Variants in CDC20B observed in about 807,000 individuals in gnomAD.
The protein encoded by CDC20B is cell division cycle 20B.
Under a neutral mutation model 64.1 loss-of-function variants are expected in CDC20B, and 58 were observed. The ratio of observed to expected loss-of-function variants is 0.90; its 90% CI spans 0.73 to 1.13. The LOEUF (loss-of-function observed/expected upper bound fraction) is 1.13. Ranked by LOEUF, CDC20B falls within the 50% of genes most tolerant of loss-of-function variation. The probability of loss-of-function intolerance (pLI) is 0.00; values close to 1 mark genes in which losing one functional copy is unlikely to be tolerated. For synonymous variants in CDC20B, 243 were observed against 230.6 expected (o/e 1.05, Z -0.49); for missense variants, 597 against 633.0 (o/e 0.94, Z 0.61).
At chr5:55,166,039 G>A (rs1490821373) in intron 2 of CDC20B, 2 of 152,338 alleles carry the variant, frequency 1.3e-5, no homozygotes, top group Admixed American at 6.5e-5. Flanking sequence ...GAAAACTTAT[G>A]CTCAGGTGGC....
At chr5:55,148,980 A>G (rs1161661217) in intron 2 of CDC20B, among the ~76,000 whole-genome samples, 2 of 152,232 alleles carry the variant, frequency 1.3e-5, no homozygotes, top group African/African-American at 2.4e-5. Context: ...CAGGCTCTCA[A>G]CTGAGAACAT....
intron 11 of CDC20B, among the ~76,000 whole-genome samples, chr5:55,115,318 G>A (rs971005466): frequency 1.1e-4 from 17 of 152,190 alleles, no homozygotes; most frequent in Non-Finnish European, 1.5e-5. Context: ...TGGAAGCTTT[G>A]AGTTAAGAAA....
chr5:55,146,534 T>A (rs1481095589), intron 3 of CDC20B, 94 bp downstream of exon 3: 15 of 814,654 alleles, frequency 1.8e-5, no homozygotes, highest in Non-Finnish European at 2.4e-5. Context: ...TGACTCAAAG[T>A]GACACTCCTT....
chr5:55,128,661 T>C lies in CDC20B; in HGVS notation c.698-44A>G, dbSNP rs746658454. 5.8e-6 allele frequency: 8 copies of C among 1,380,320 alleles called. No individual in the cohort carries two copies. The South Asian group carries it at 9.9e-5, about 17-fold the overall frequency. 85.5% of individuals were successfully genotyped at this position (1,380,320 alleles called of 1,614,324 possible). ...AAATTAGTATAATTATACAGCCACA[T>C]GAAAACATGTTCAAATAAACAACTT... On this transcript the variant is annotated intron_variant, in intron 6 of 11. Transcript: ENST00000381375.
chr5:55,121,790 A>G (rs946754057), intron 9 of CDC20B, among the ~76,000 whole-genome samples: 1 of 152,172 alleles, frequency 6.6e-6, no homozygotes, highest in African/African-American at 2.4e-5. Flanking sequence ...TTATAAGGGT[A>G]ATTTATTTTC....
intron 4 of CDC20B, among the ~76,000 whole-genome samples, chr5:55,143,071 A>C (rs1337374184): frequency 6.6e-6 from 1 of 152,196 alleles, no homozygotes; most frequent in East Asian, 1.9e-4. Flanking sequence ...AACAACAAGA[A>C]AGGCTTAAGG....
In CDC20B at chr5:55,145,882, T is replaced by C. The variant is rs1561295778; in HGVS notation, c.355+746A>G. The stretch of plus-strand genomic sequence containing the variant: ...TCCTGCTTCTGTCTTTTTCTTCCAT[T>C]TCACATCTGATTATTCCATTACTAA... On this transcript the variant is annotated intron_variant, in intron 3 of 11. Coordinates refer to ENST00000381375, the MANE Select transcript of CDC20B (RefSeq NM_001170402.1). 4.6e-5 allele frequency among the ~76,000 whole-genome samples: 7 copies of C among 152,100 alleles called. No individual in the cohort carries two copies. In the South Asian group the frequency reaches 1.5e-3, roughly 32 times the overall value.
At chr5:55,117,152 C>T (rs1181986313) in intron 11 of CDC20B, among the ~76,000 whole-genome samples, 1 of 152,156 alleles carries the variant, frequency 6.6e-6, no homozygotes, top group Non-Finnish European at 1.5e-5. Flanking sequence ...GCTACCTACT[C>T]CTATTTTAAA....
At chr5:55,131,863 G>A (rs910892465) in intron 6 of CDC20B, among the ~76,000 whole-genome samples, 2 of 152,080 alleles carry the variant, frequency 1.3e-5, no homozygotes, top group African/African-American at 2.4e-5. Context: ...TCAGGAGTTC[G>A]AGACTAGCCT....
intron 2 of CDC20B, among the ~76,000 whole-genome samples, chr5:55,155,878 T>C (rs1049923683): frequency 2.0e-5 from 3 of 152,180 alleles, no homozygotes; most frequent in Non-Finnish European, 4.4e-5. Context: ...AAAAGCCTTT[T>C]GGTGGTGTTC....
chr5:55,151,081 T>C (rs2111901003), intron 2 of CDC20B, among the ~76,000 whole-genome samples: 1 of 152,172 alleles, frequency 6.6e-6, no homozygotes, highest in Admixed American at 6.5e-5. Context: ...TTTATTTCTC[T>C]CCGCTAAGAA....
At chr5:55,159,413 G>T (rs1175021829) in intron 2 of CDC20B, among the ~76,000 whole-genome samples, 1 of 152,164 alleles carries the variant, frequency 6.6e-6, no homozygotes, top group African/African-American at 2.4e-5. Flanking sequence ...ACAGGTGGGG[G>T]TGCATCACAG....
chr5:55,136,465 A>T (rs1272026403), intron 5 of CDC20B: 2 of 152,040 alleles, frequency 1.3e-5, no homozygotes, highest in Non-Finnish European at 2.9e-5. Flanking sequence ...AAGCTGAGGC[A>T]GGAGAATTGC....
intron 2 of CDC20B, among the ~76,000 whole-genome samples, chr5:55,161,920 T>C (rs1744086120): frequency 6.6e-6 from 1 of 152,088 alleles, no homozygotes; most frequent in Non-Finnish European, 1.5e-5. Flanking sequence ...TGCTCTTTTG[T>C]TTTTGCTATG....
In CDC20B at chr5:55,128,494, T is replaced by C; in HGVS notation, c.821A>G (p.Asn274Ser). ...TATCCAGGACACAGAAGAGATATAG[T>C]TACAAGTGAGACTTAAGTCTATGTT... Reference protein sequence around the residue: ...IENIDLSLTCNYISSVSWIKE... With the variant: ...IENIDLSLTCSYISSVSWIKE... Residue 274 changes from asparagine (N) to serine (S), a missense_variant, in exon 7 of 12, where the codon AAC (asparagine) becomes AGC (serine). Coordinates refer to ENST00000381375, the MANE Select transcript of CDC20B (RefSeq NM_001170402.1). 6.2e-7 allele frequency: 1 copy of C among 1,612,096 alleles called. No individual in the cohort carries two copies. Among genetic ancestry groups the C allele is most frequent in the Non-Finnish European group, 8.5e-7 (1 of 1,179,566 alleles).
Position 55,172,978 on chromosome 5 carries a change from G to A in CDC20B, c.23C>T (p.Thr8Ile). The change falls in exon 1 of 12, where the codon ACC becomes ATC. Residue 8 changes from threonine (T) to isoleucine (I), a missense_variant. Physicochemically the swap from Thr to Ile is moderately conservative, Grantham distance 89. Transcript: ENST00000381375. The part of the protein sequence containing the change: MEWKLER[T>I]APRRVRTEEE... ...TTCCGTGCGGACCCTCCGAGGCGCG[G>A]TGCGCTCCAGTTTCCACTCCATCTC... 1 of 1,611,648 alleles carries A rather than the reference G, an allele frequency of 6.2e-7. No homozygotes were observed. Among genetic ancestry groups the A allele is most frequent in the Non-Finnish European group, 8.5e-7 (1 of 1,179,184 alleles).
At chr5:55,115,196 C>T (rs956642141) in intron 11 of CDC20B, among the ~76,000 whole-genome samples, 4 of 152,176 alleles carry the variant, frequency 2.6e-5, no homozygotes, top group East Asian at 1.9e-4. Flanking sequence ...GGAGATAATA[C>T]TTCTCCTTCT....
At chr5:55,129,040 T>C (rs1163465358) in intron 6 of CDC20B, among the ~76,000 whole-genome samples, 1 of 152,024 alleles carries the variant, frequency 6.6e-6, no homozygotes, top group Non-Finnish European at 1.5e-5. Flanking sequence ...CTAGAAGAGG[T>C]GGTGGTTCAT....
chr5:55,141,189 A>G (rs1005444443), intron 4 of CDC20B, among the ~76,000 whole-genome samples: 6 of 152,184 alleles, frequency 3.9e-5, no homozygotes, highest in Non-Finnish European at 5.9e-5. Flanking sequence ...GCTTTCTTAC[A>G]CTAGCTCTCT....
Sources: allele counts gnomAD v4.1 joint callset (sites outside exome capture counted in the v4.1 genomes callset), GRCh38; gene constraint gnomAD v4.1.1; transcripts MANE v1.5; gene names NCBI Gene and HGNC (gene_info 2026-07-23, HGNC 2026-07-21).